Variants in SQLE observed in about 807,000 individuals in gnomAD.
The protein encoded by SQLE is squalene epoxidase.
Under a neutral mutation model 60.7 loss-of-function variants are expected in SQLE, and 29 were observed. The ratio of observed to expected loss-of-function variants is 0.48; its 90% CI spans 0.36 to 0.65. The LOEUF (loss-of-function observed/expected upper bound fraction) is 0.65, where lower values mean the gene tolerates loss of function less well. SQLE is among the 30% of genes least tolerant of loss of function. The pLI is 0.00. For missense variants in SQLE, 605 were observed against 684.1 expected (o/e 0.88, Z 1.29); for synonymous variants, 237 against 246.8 (o/e 0.96, Z 0.37).
intron 1 of SQLE, among the ~76,000 whole-genome samples, chr8:125,000,342 G>C (rs917414567): frequency 2.6e-5 from 4 of 152,224 alleles, no homozygotes; most frequent in African/African-American, 9.6e-5. Context: ...AGATCATTTA[G>C]GGCATGTTGG....
chr8:125,002,598 A>G (rs1814872624), intron 1 of SQLE, among the ~76,000 whole-genome samples: 1 of 152,202 alleles, frequency 6.6e-6, no homozygotes, highest in Non-Finnish European at 1.5e-5. Context: ...AATTGCTTGA[A>G]TCCAGGAGGC....
At position 124,998,846 on chromosome 8, in the gene SQLE, C is replaced by T. The variant is rs977876368; in HGVS notation, c.-558C>T. On this transcript the variant is annotated 5_prime_UTR_variant, in exon 1 of 11. Coordinates refer to ENST00000265896, the MANE Select transcript of SQLE (RefSeq NM_003129.4). ...CCGAGGTTGGGCTGTACAGTGTCTC[C>T]GTCCGCGGAAAAAGAAGCCTCTGAA... The T allele has an allele frequency of 2.4e-6, 1 of 413,338 alleles. No individual in the cohort carries two copies. Among genetic ancestry groups the T allele is most frequent in the Non-Finnish European group, 4.3e-6 (1 of 233,316 alleles). 25.6% of individuals were successfully genotyped at this position (413,338 alleles called of 1,614,324 possible).
intron 3 of SQLE, among the ~76,000 whole-genome samples, chr8:125,006,817 G>C (rs187794606): frequency 9.8e-4 from 148 of 151,156 alleles, no homozygotes; most frequent in African/African-American, 1.4e-3. Flanking sequence ...CAATTCTCCT[G>C]CCTCAGCCTC....
intron 7 of SQLE, among the ~76,000 whole-genome samples, chr8:125,014,887 A>G (rs1588115303): frequency 6.6e-6 from 1 of 152,120 alleles, no homozygotes; most frequent in East Asian, 1.9e-4. Context: ...TGTATTCTGC[A>G]GTTGTTGGAT....
At chr8:125,003,888 TGGTGG>T (rs1332555557) in intron 2 of SQLE, among the ~76,000 whole-genome samples, 2 of 11,476 alleles carry the variant, frequency 1.7e-4, no homozygotes, top group African/African-American at 3.1e-4. Flanking sequence ...GGGGATGGGG[TGGTGG>T]GGTGGGGTGG....
rs1815107824 is a variant in SQLE at position 125,016,076 on chromosome 8, G to A, written c.1205-1983G>A. 6.6e-6 allele frequency among the ~76,000 whole-genome samples: 1 copy of A among 152,042 alleles called. No homozygotes were observed. The highest frequency in any genetic ancestry group is 1.5e-5 in the Non-Finnish European group (1 of 68,004). ...TTATTAAATGGCTTGAACTAGTCTT[G>A]TTTGGATTAAATCAATCACCAATCC... On this transcript the variant is annotated intron_variant, in intron 7 of 10. Transcript: ENST00000265896. The surrounding 1 kb of genome is among the most constrained non-coding windows in gnomAD (Gnocchi z 4.1).
At chr8:125,013,444 C>T (rs1386533231) in intron 7 of SQLE, among the ~76,000 whole-genome samples, 2 of 150,762 alleles carry the variant, frequency 1.3e-5, no homozygotes, top group Non-Finnish European at 2.9e-5. Context: ...CCTCGGCCTC[C>T]CAGGTTCAAG....
At chr8:124,999,838 G>T in intron 1 of SQLE, 144 bp downstream of exon 1, 2 of 1,065,764 alleles carry the variant, frequency 1.9e-6, no homozygotes, top group Non-Finnish European at 2.7e-6. Context: ...TTTAAACTCT[G>T]CTGTGCCTTG....
Position 125,013,896 on chromosome 8 carries a change from T to C in SQLE, c.1204+2264T>C, listed in dbSNP as rs1815075085. 4.6e-5 allele frequency among the ~76,000 whole-genome samples: 7 copies of C among 152,300 alleles called. No homozygotes were observed. In the South Asian group the frequency reaches 1.4e-3, roughly 32 times the overall value. ...AAGGTAAGGGTTTCTTTCAACAATA[T>C]TTTGTAGTTTTCAGAGTATAAGTTT... On this transcript the variant is annotated intron_variant, in intron 7 of 10. Transcript: ENST00000265896.
chr8:125,003,382 C>T lies in SQLE; in HGVS notation c.498C>T (p.Phe166=), dbSNP rs369367562. 7 of 1,613,800 alleles carry T rather than the reference C, an allele frequency of 4.3e-6. No homozygotes were observed. The highest frequency in any genetic ancestry group is 4.0e-5 in the African/African-American group (3 of 74,886). Residue 166 remains phenylalanine (F), a synonymous_variant, in exon 2 of 11, where the codon TTC becomes TTT. Transcript: ENST00000265896. ...LKEPDRIVGE[F]LQPGGYHVLK... Reference sequence around the variant, plus strand: ...AGCCTGACAGAATAGTTGGAGAATTCCTGCAGCCGGGTGGTTATCATGTTC... The same window carrying T: ...AGCCTGACAGAATAGTTGGAGAATTTCTGCAGCCGGGTGGTTATCATGTTC...
rs1563600134 is a variant in SQLE, at chr8:125,018,040, T to G, written c.1205-19T>G. ...CAAGGGATGCTCTAAAATAAAATCT[T>G]CATTACCTCTCTTCATAGGTGTTCT... On this transcript the variant is annotated intron_variant, in intron 7 of 10. Transcript: ENST00000265896. 2.5e-6 allele frequency: 4 copies of G among 1,610,486 alleles called. No individual in the cohort carries two copies. In the Admixed American group the frequency reaches 6.8e-5, roughly 27 times the overall value.
chr8:125,002,974 A>ACACT (rs1208781072), intron 1 of SQLE, among the ~76,000 whole-genome samples: 2 of 152,160 alleles, frequency 1.3e-5, no homozygotes, highest in Non-Finnish European at 2.9e-5. Context: ...ATAATATGAC[A>ACACT]CACTTTTATT....
At chr8:125,020,029 T>G (rs1563600936) in intron 9 of SQLE, among the ~76,000 whole-genome samples, 3 of 152,124 alleles carry the variant, frequency 2.0e-5, no homozygotes, top group African/African-American at 7.2e-5. Context: ...TTTGGGCAAA[T>G]AAAAAGAACT....
chr8:125,002,717 T>C (rs1814875572), intron 1 of SQLE, among the ~76,000 whole-genome samples: 1 of 152,060 alleles, frequency 6.6e-6, no homozygotes, highest in East Asian at 1.9e-4. Context: ...AAAGAAAATG[T>C]CTAAAAGGTG....
chr8:125,012,704 A>G (rs907437817), intron 7 of SQLE, among the ~76,000 whole-genome samples: 1 of 152,252 alleles, frequency 6.6e-6, no homozygotes, highest in Admixed American at 6.5e-5. Flanking sequence ...ATTACAAGCA[A>G]TGCTGCTATG....
In SQLE at chr8:124,999,475, C is replaced by T; in HGVS notation, c.72C>T (p.Ala24=). Residue 24 remains alanine, a synonymous_variant, in exon 1 of 11, where the codon GCC becomes GCT. Transcript: ENST00000265896. The part of the protein sequence containing the change: ...YKKFGDFITL[A]NREVLLCVLV... ...AGTTCGGGGACTTCATCACTTTGGC[C>T]AACAGGGAGGTCCTGTTGTGCGTGC... 1.9e-6 allele frequency: 3 copies of T among 1,576,094 alleles called. No individual in the cohort carries two copies. Among genetic ancestry groups the T allele is most frequent in the African/African-American group, 1.4e-5 (1 of 73,170 alleles).
chr8:125,018,776 G>T, intron 9 of SQLE, 49 bp downstream of exon 9: 1 of 1,220,316 alleles, frequency 8.2e-7, no homozygotes, highest in Admixed American at 2.7e-5. Context: ...CAGATTTTTA[G>T]CGTAGGAAAG....
At chr8:125,007,595 T>A (rs1324699334) in intron 4 of SQLE, 108 bp downstream of exon 4, 1 of 637,012 alleles carries the variant, frequency 1.6e-6, no homozygotes, top group African/African-American at 1.9e-5. Context: ...GAGTATCTCT[T>A]ATCTGAAATG....
intron 7 of SQLE, among the ~76,000 whole-genome samples, chr8:125,017,456 A>G (rs1815127379): frequency 1.3e-5 from 2 of 151,996 alleles, no homozygotes; most frequent in Non-Finnish European, 2.9e-5. Flanking sequence ...TCAAGGCTCC[A>G]GGGCTCTTCA....
Sources: gnomAD v4.1 joint callset for allele counts (sites outside exome capture counted in the v4.1 genomes callset) on GRCh38, gnomAD v4.1.1 for gene constraint, Gnocchi (gnomAD v3.1) non-coding constraint, MANE v1.5 for transcripts, NCBI Gene and HGNC (gene_info 2026-07-23, HGNC 2026-07-21) for gene names.